The following ACSM1 variants were observed in gnomAD, a reference collection of about 807,000 sequenced individuals.
ACSM1 encodes acyl-CoA synthetase medium chain family member 1.
Under a neutral mutation model 75.8 loss-of-function variants are expected in ACSM1, and 79 were observed. The observed-to-expected ratio is 1.04, with a 90% confidence interval of 0.87 to 1.26. The LOEUF is 1.26. ACSM1 is among the 50% of genes most tolerant of loss of function. The probability of loss-of-function intolerance (pLI) is 0.00; values close to 1 mark genes in which losing one functional copy is unlikely to be tolerated. For missense variants in ACSM1, 676 were observed against 720.1 expected, an observed-to-expected ratio of 0.94 and a Z score of 0.70; for synonymous variants, 279 against 265.8, an observed-to-expected ratio of 1.05 and a Z score of -0.48.
chr16:20,633,044 C>A (rs1445511351), intron 10 of ACSM1, among the ~76,000 whole-genome samples: 3 of 152,102 alleles, frequency 2.0e-5, no homozygotes, highest in African/African-American at 7.2e-5. Flanking sequence ...ATATAAAAAA[C>A]CAACAGCTAA....
chr16:20,693,685 A>G (rs533707455), intron 1 of ACSM1, among the ~76,000 whole-genome samples: 2 of 152,244 alleles, frequency 1.3e-5, no homozygotes, highest in Admixed American at 1.3e-4. Flanking sequence ...CTCCAGTTTG[A>G]TGCAGTTCCT....
intron 6 of ACSM1, among the ~76,000 whole-genome samples, chr16:20,663,170 G>A (rs151222): frequency 6.6e-6 from 1 of 152,100 alleles, no homozygotes; most frequent in African/African-American, 2.4e-5. Context: ...AATGTGCACA[G>A]ACTTGTTGGC....
intron 3 of ACSM1, among the ~76,000 whole-genome samples, chr16:20,684,061 C>A (rs557514770): frequency 2.0e-5 from 3 of 152,180 alleles, no homozygotes; most frequent in African/African-American, 7.2e-5. Context: ...GTGCTGTACA[C>A]ATGATAAAAT....
At chr16:20,629,932 C>T (rs186955795) in intron 10 of ACSM1, among the ~76,000 whole-genome samples, 1 of 144,216 alleles carries the variant, frequency 6.9e-6, no homozygotes, top group African/African-American at 2.6e-5. Context: ...TCAGATATTG[C>T]AGTGAGCTGA....
intron 7 of ACSM1, 111 bp from the exon 8 acceptor site, chr16:20,640,695 A>C: frequency 6.6e-7 from 1 of 1,519,964 alleles, no homozygotes; most frequent in Non-Finnish European, 8.8e-7. Flanking sequence ...TCACTTTCTT[A>C]TTTACTTTTT....
chr16:20,643,841 C>A (rs1227025321), intron 7 of ACSM1, among the ~76,000 whole-genome samples: 1 of 152,152 alleles, frequency 6.6e-6, no homozygotes, highest in Non-Finnish European at 1.5e-5. Flanking sequence ...AATCCTTTAT[C>A]TAGACACAGA....
intron 10 of ACSM1, among the ~76,000 whole-genome samples, chr16:20,635,769 A>G (rs1567252254): frequency 6.6e-6 from 1 of 152,004 alleles, no homozygotes; most frequent in Non-Finnish European, 1.5e-5. Flanking sequence ...CTTCCCAAGT[A>G]GCTGAAATTA....
chr16:20,673,453 T>C (rs1403999769), intron 4 of ACSM1, among the ~76,000 whole-genome samples: 2 of 152,200 alleles, frequency 1.3e-5, no homozygotes, highest in East Asian at 3.8e-4. Context: ...GTGACTTTGC[T>C]GTAATGTTTG....
At position 20,633,279 on chromosome 16, in the gene ACSM1, CA is replaced by C. The variant is rs550016582; in HGVS notation, c.1299+3459del. Among the ~76,000 whole-genome samples, 5 of 151,712 alleles carry C rather than the reference CA, an allele frequency of 3.3e-5. No individual in the cohort carries two copies. The South Asian group carries it at 1.0e-3, about 32-fold the overall frequency. ...GAAAACCCGAAGAATTTTACACACTCAAAAAAAATGTTAAAGCTAATACATA... is the reference window on the plus strand; with the variant it reads ...GAAAACCCGAAGAATTTTACACACTCAAAAAAATGTTAAAGCTAATACATA... On this transcript the variant is annotated intron_variant, in intron 10 of 13. Coordinates refer to ENST00000520010, the MANE Select transcript of ACSM1 (RefSeq NM_001318890.3).
chr16:20,629,910 T>C (rs2152192939), intron 10 of ACSM1, among the ~76,000 whole-genome samples: 1 of 147,490 alleles, frequency 6.8e-6, no homozygotes, highest in Middle Eastern at 3.6e-3. Context: ...GAGAATCACT[T>C]GAACCAGGAA....
At chr16:20,627,869 C>CATATAT (rs61366465) in intron 10 of ACSM1, among the ~76,000 whole-genome samples, 31 of 77,540 alleles carry the variant, frequency 4.0e-4, no homozygotes, top group East Asian at 6.5e-4. Flanking sequence ...TGTATGTATA[C>CATATAT]ATATATATAT....
At chr16:20,689,467 A>C (rs2079614203) in intron 2 of ACSM1, among the ~76,000 whole-genome samples, 1 of 152,146 alleles carries the variant, frequency 6.6e-6, no homozygotes, top group Non-Finnish European at 1.5e-5. Context: ...GTCAGTAGTT[A>C]CTTTAAATGT....
In ACSM1 at chr16:20,682,279, C is replaced by T; in HGVS notation, c.588G>A (p.Trp196Ter). ...ACTTAACCAGCGATCGGAAGTCCAG[C>T]CACCCTTCACGGCTGTGATCAGACA... ...LLVSDHSREG[W>*]LDFRSLVKSA... The change falls in exon 4 of 14, where the codon TGG becomes TGA. Residue 196 changes from tryptophan to a stop codon, truncating the protein, a stop_gained. Transcript: ENST00000520010. LOFTEE classifies it high-confidence loss of function. The T allele has an allele frequency of 6.2e-7, 1 of 1,613,350 alleles. No individual in the cohort carries two copies. The highest frequency in any genetic ancestry group is 1.1e-5 in the South Asian group (1 of 91,042).
chr16:20,678,919 AC>A (rs1307133920), intron 4 of ACSM1, among the ~76,000 whole-genome samples: 1 of 151,678 alleles, frequency 6.6e-6, no homozygotes, highest in Non-Finnish European at 1.5e-5. Context: ...TCAGCCGGCC[AC>A]CCCCCATCAT....
chr16:20,690,977 C>T lies in ACSM1; in HGVS notation c.192+20G>A, dbSNP rs2079642311. ...GAGGCCACCCTTGTTCTTATATCGC[C>T]ATCACGGCAGATCTCTTACCTTCTC... On this transcript the variant is annotated intron_variant, in intron 2 of 13. Coordinates refer to ENST00000520010, the MANE Select transcript of ACSM1 (RefSeq NM_001318890.3). 1.9e-6 allele frequency: 3 copies of T among 1,600,276 alleles called. No homozygotes were observed. In the East Asian group the frequency reaches 6.8e-5, roughly 36 times the overall value.
chr16:20,669,840 T>C lies in ACSM1; in HGVS notation c.899A>G (p.Lys300Arg). The change falls in exon 6 of 14, where the codon AAG becomes AGG. Residue 300 changes from lysine to arginine, a missense_variant. Physicochemically the swap from Lys to Arg is conservative, Grantham distance 26 (BLOSUM62 2). Coordinates refer to ENST00000520010, the MANE Select transcript of ACSM1 (RefSeq NM_001318890.3). ...FIHHLPQFDT[K>R]VIIQTLLKYP... Reference sequence around the variant, plus strand: ...GAGTCTTCTTACCTGTATGATGACCTTGGTGTCAAACTGTGGCAGATGGTG... The same window carrying C: ...GAGTCTTCTTACCTGTATGATGACCCTGGTGTCAAACTGTGGCAGATGGTG... 1 of 1,613,922 alleles carries C rather than the reference T, an allele frequency of 6.2e-7. No individual in the cohort carries two copies. Among genetic ancestry groups the C allele is most frequent in the Non-Finnish European group, 8.5e-7 (1 of 1,179,852 alleles).
intron 9 of ACSM1, 53 bp from the exon 10 acceptor site, chr16:20,636,893 C>T (rs765058589): frequency 2.2e-6 from 3 of 1,376,646 alleles, no homozygotes; most frequent in Non-Finnish European, 3.1e-6. Flanking sequence ...AGCCCTTCTG[C>T]CCCACCCAAG....
chr16:20,694,126 G>A (rs1308491296), intron 1 of ACSM1, among the ~76,000 whole-genome samples: 2 of 152,150 alleles, frequency 1.3e-5, no homozygotes, highest in Non-Finnish European at 2.9e-5. Context: ...AGCATTTCAC[G>A]AGTTACTTCC....
At chr16:20,649,509 C>A (rs980973504) in intron 7 of ACSM1, among the ~76,000 whole-genome samples, 1 of 152,152 alleles carries the variant, frequency 6.6e-6, no homozygotes, top group Admixed American at 6.6e-5. Context: ...GAGCCAGGCA[C>A]TCTTTTAAAT....
Sources: allele counts gnomAD v4.1 joint callset (sites outside exome capture counted in the v4.1 genomes callset), GRCh38; gene constraint gnomAD v4.1.1; transcripts MANE v1.5; gene names NCBI Gene and HGNC (gene_info 2026-07-23, HGNC 2026-07-21).